Variants in EYA4 observed in about 807,000 individuals in gnomAD.
The protein encoded by EYA4 is EYA transcriptional coactivator and phosphatase 4, also known as protein phosphatase EYA4.
A neutral mutation model predicts 87.9 loss-of-function variants in EYA4; 31 were observed. The ratio of observed to expected loss-of-function variants is 0.35; its 90% CI spans 0.27 to 0.48. EYA4 has a LOEUF of 0.48. EYA4 is among the 20% of genes least tolerant of loss of function. EYA4 has a pLI of 0.99. For missense variants in EYA4, 678 were observed against 761.4 expected (o/e 0.89, Z 1.29); for synonymous variants, 263 against 270.6 (o/e 0.97, Z 0.28).
chr6:133,250,242 T>C (rs185654737), intron 1 of EYA4, among the ~76,000 whole-genome samples: 2,059 of 152,352 alleles, frequency 0.014, 22 homozygotes, highest in South Asian at 0.024. Flanking sequence ...GGGAAGTCAG[T>C]GATCTGGTGG....
intron 2 of EYA4, among the ~76,000 whole-genome samples, chr6:133,299,749 TAA>T (rs1562263521): frequency 3.2e-5 from 3 of 93,334 alleles, no homozygotes; most frequent in African/African-American, 1.3e-4. Flanking sequence ...TAAAATAAAA[TAA>T]AATAAAATAA....
intron 2 of EYA4, among the ~76,000 whole-genome samples, chr6:133,295,886 C>T (rs1469535777): frequency 6.6e-6 from 1 of 152,170 alleles, no homozygotes. Context: ...CAAGTTCTTG[C>T]TTTCAAATAA....
intron 2 of EYA4, among the ~76,000 whole-genome samples, chr6:133,309,237 G>GA (rs1400404364): frequency 7.9e-5 from 12 of 151,830 alleles, no homozygotes; most frequent in South Asian, 2.1e-4. Flanking sequence ...TATAGGTTAT[G>GA]AAAAAAATCC....
intron 5 of EYA4, among the ~76,000 whole-genome samples, chr6:133,449,646 T>A (rs1479993177): frequency 6.6e-6 from 1 of 152,210 alleles, no homozygotes; most frequent in Non-Finnish European, 1.5e-5. Context: ...ACAAGTTACT[T>A]AAGCTCTCTG....
At chr6:133,525,013 A>G (rs1489522474) in intron 18 of EYA4, 141 bp from the exon 19 acceptor site, 1 of 1,612,174 alleles carries the variant, frequency 6.2e-7, no homozygotes, top group Non-Finnish European at 8.5e-7. Context: ...ATTGTTTTTC[A>G]GGCAAGGAAA....
intron 9 of EYA4, 48 bp from the exon 10 acceptor site, chr6:133,464,731 C>A (rs1321509676): frequency 2.6e-6 from 3 of 1,150,934 alleles, no homozygotes; most frequent in East Asian, 4.7e-5. Context: ...ATATCTTTAT[C>A]ATTTTACAAG....
chr6:133,358,798 A>G (rs1440724326), intron 2 of EYA4, among the ~76,000 whole-genome samples: 1 of 152,214 alleles, frequency 6.6e-6, no homozygotes, highest in East Asian at 1.9e-4. Flanking sequence ...GGTAAAACAA[A>G]CACACATAAA....
intron 2 of EYA4, among the ~76,000 whole-genome samples, 182 bp downstream of exon 2, chr6:133,274,995 A>G (rs1389613503): frequency 6.6e-6 from 1 of 152,164 alleles, no homozygotes; most frequent in Non-Finnish European, 1.5e-5. Flanking sequence ...CTGCTTAATG[A>G]TGATGTCACA....
intron 3 of EYA4, among the ~76,000 whole-genome samples, chr6:133,416,564 T>G (rs1187410480): frequency 6.6e-6 from 1 of 152,202 alleles, no homozygotes; most frequent in East Asian, 1.9e-4. Flanking sequence ...TCTGCATCAC[T>G]AGATTGAGCT....
At chr6:133,369,046 G>A (rs1785067595) in intron 2 of EYA4, among the ~76,000 whole-genome samples, 1 of 152,178 alleles carries the variant, frequency 6.6e-6, no homozygotes, top group South Asian at 2.1e-4. Flanking sequence ...TAAACTCAGT[G>A]TTAGATAAAC....
chr6:133,343,274 TA>T (rs1455428852), intron 2 of EYA4, among the ~76,000 whole-genome samples: 1 of 152,230 alleles, frequency 6.6e-6, no homozygotes, highest in Non-Finnish European at 1.5e-5. Flanking sequence ...CAACTGTATT[TA>T]CCAGGATGAC....
intron 2 of EYA4, among the ~76,000 whole-genome samples, chr6:133,372,685 A>AATC (rs1785363264): frequency 1.3e-5 from 2 of 151,690 alleles, no homozygotes; most frequent in African/African-American, 2.4e-5. Context: ...AAGAAGATAA[A>AATC]ATCTGTAAAA....
At chr6:133,414,495 A>G (rs556368439) in intron 3 of EYA4, among the ~76,000 whole-genome samples, 33 of 152,262 alleles carry the variant, frequency 2.2e-4, no homozygotes, top group Non-Finnish European at 3.4e-4. Flanking sequence ...CACTGTATCT[A>G]TAGATGTTAT....
intron 11 of EYA4, among the ~76,000 whole-genome samples, chr6:133,469,660 AG>A (rs1261263997): frequency 2.0e-5 from 3 of 152,122 alleles, no homozygotes; most frequent in African/African-American, 7.2e-5. Flanking sequence ...AAAAGAGGAA[AG>A]GATCTCAACT....
intron 2 of EYA4, among the ~76,000 whole-genome samples, chr6:133,363,951 C>T (rs1454811923): frequency 6.6e-6 from 1 of 152,210 alleles, no homozygotes; most frequent in Non-Finnish European, 1.5e-5. Context: ...CAGCTCTAAT[C>T]TCCCACTCTG....
chr6:133,465,877 TA>T (rs1794792504), intron 10 of EYA4, among the ~76,000 whole-genome samples: 1 of 152,150 alleles, frequency 6.6e-6, no homozygotes, highest in Non-Finnish European at 1.5e-5. Context: ...ATATTTTTGA[TA>T]GGATTAAACG....
chr6:133,505,287 A>G (rs1798498574), intron 13 of EYA4, among the ~76,000 whole-genome samples: 1 of 152,170 alleles, frequency 6.6e-6, no homozygotes, highest in African/African-American at 2.4e-5. Context: ...CTTCAGCTGC[A>G]GTTAATTATG....
intron 2 of EYA4, among the ~76,000 whole-genome samples, chr6:133,300,961 A>ATT (rs1327239374): frequency 1.3e-5 from 2 of 152,202 alleles, no homozygotes; most frequent in Non-Finnish European, 2.9e-5. Flanking sequence ...TCCTTATGAA[A>ATT]TTAAAAGCAA....
At chr6:133,424,421 A>G (rs1227488604) in intron 3 of EYA4, among the ~76,000 whole-genome samples, 1 of 152,064 alleles carries the variant, frequency 6.6e-6, no homozygotes, top group Non-Finnish European at 1.5e-5. Flanking sequence ...TCCTACTGCC[A>G]TTCATGGCCC....
Sources: allele counts gnomAD v4.1 joint callset (sites outside exome capture counted in the v4.1 genomes callset), GRCh38; gene constraint gnomAD v4.1.1; transcripts MANE v1.5; gene names NCBI Gene and HGNC (gene_info 2026-07-23, HGNC 2026-07-21).